The following PEAR1 variants were observed in gnomAD, a reference collection of about 807,000 sequenced individuals.
The protein encoded by PEAR1 is multiple EGF-like domains protein 12.
A neutral mutation model predicts 131.2 loss-of-function variants in PEAR1; 113 were observed. That is an observed-to-expected ratio of 0.86 (90% CI 0.74 to 1.01). PEAR1 has a LOEUF of 1.01. PEAR1 is among the 50% of genes least tolerant of loss of function. The probability of loss-of-function intolerance (pLI) is 0.00; values close to 1 mark genes in which losing one functional copy is unlikely to be tolerated. For missense variants in PEAR1, 1,408 were observed against 1,391.1 expected, an observed-to-expected ratio of 1.01 and a Z score of -0.19; for synonymous variants, 565 against 523.3, an observed-to-expected ratio of 1.08 and a Z score of -1.09.
chr1:156,911,041 C>T (rs1341464082), intron 15 of PEAR1, among the ~76,000 whole-genome samples: 2 of 68,816 alleles, frequency 2.9e-5, no homozygotes, highest in Non-Finnish European at 5.8e-5. Flanking sequence ...ATTTCTTTTT[C>T]TTTCTTTCTT....
In PEAR1 at chr1:156,912,268, G is replaced by C; in HGVS notation, c.1973G>C (p.Gly658Ala). Reference protein sequence around the residue: ...CSQPCPPGHWGENCAQTCQCH... With the variant: ...CSQPCPPGHWAENCAQTCQCH... Reference sequence around the variant, plus strand: ...GTAGCATGCCCTCCAGGACACTGGGGAGAAAACTGTGCCCAGACCTGCCAA... The same window carrying C: ...GTAGCATGCCCTCCAGGACACTGGGCAGAAAACTGTGCCCAGACCTGCCAA... The change falls in exon 16 of 23, where the codon GGA becomes GCA. Residue 658 changes from glycine (G) to alanine (A), a missense_variant. Physicochemically the swap from Gly to Ala is moderately conservative, Grantham distance 60 (BLOSUM62 0). Transcript: ENST00000292357. The C allele has an allele frequency of 6.2e-7, 1 of 1,613,764 alleles. No individual in the cohort carries two copies. The highest frequency in any genetic ancestry group is 1.1e-5 in the South Asian group (1 of 91,064).
intron 1 of PEAR1, among the ~76,000 whole-genome samples, chr1:156,900,604 C>T (rs745376302): frequency 7.2e-5 from 11 of 152,140 alleles, no homozygotes; most frequent in Non-Finnish European, 8.8e-5. Flanking sequence ...TGATGATCCA[C>T]GTAAATCTCT....
intron 17 of PEAR1, 47 bp from the exon 18 acceptor site, chr1:156,912,723 C>A (rs752354606): frequency 6.2e-7 from 1 of 1,612,526 alleles, no homozygotes; most frequent in Non-Finnish European, 8.5e-7. Context: ...CTCTCCCATG[C>A]AGCAGAGCCA....
rs770120837 is a variant in PEAR1, at chr1:156,912,427, C to CA, written c.2080+59dup. ...CCCTGCCTCCAACTTAACCCTTACC[C>CA]AAAAAAAGGAGACTAGAGTTTCCTG... On this transcript the variant is annotated intron_variant, in intron 16 of 22. Coordinates refer to ENST00000292357, the MANE Select transcript of PEAR1 (RefSeq NM_001080471.3). 8.7e-6 allele frequency: 14 copies of CA among 1,600,140 alleles called. No homozygotes were observed. The Admixed American group carries it at 1.9e-4, about 22-fold the overall frequency.
chr1:156,895,105 C>T (rs1194209273), intron 1 of PEAR1, among the ~76,000 whole-genome samples: 1 of 152,184 alleles, frequency 6.6e-6, no homozygotes, highest in Non-Finnish European at 1.5e-5. Flanking sequence ...GTGGGGCTGC[C>T]ATCTCTAGGA....
chr1:156,898,522 G>A (rs1477388787), intron 1 of PEAR1, among the ~76,000 whole-genome samples: 5 of 152,224 alleles, frequency 3.3e-5, no homozygotes, highest in Admixed American at 3.3e-4. Flanking sequence ...GGTGTACTGG[G>A]TAGCCTGTGG....
Position 156,908,607 on chromosome 1 carries a change from T to G in PEAR1, c.1116-48T>G, listed in dbSNP as rs1481101324. 1.4e-6 allele frequency: 2 copies of G among 1,461,226 alleles called. No homozygotes were observed. Among genetic ancestry groups the G allele is most frequent in the African/African-American group, 2.8e-5 (2 of 71,314 alleles). 90.5% of individuals were successfully genotyped at this position (1,461,226 alleles called of 1,614,324 possible). A position where few individuals can be genotyped will look rare whatever the true frequency, so the allele number is the denominator to read the frequency against. On this transcript the variant is annotated intron_variant, in intron 9 of 22. Coordinates refer to ENST00000292357, the MANE Select transcript of PEAR1 (RefSeq NM_001080471.3). This position sits in a 1 kb window ranked among gnomAD's most constrained non-coding sequence, Gnocchi z 4.2. ...ACGCGGAGGGGTCGGGAAGCTGCCC[T>G]GCCCCTGCCCAGCTCAGACCGCGCC...
chr1:156,906,301 T>G lies in PEAR1; in HGVS notation c.333T>G (p.His111Gln). 6.2e-7 allele frequency: 1 copy of G among 1,614,172 alleles called. No homozygotes were observed. The highest frequency in any genetic ancestry group is 8.5e-7 in the Non-Finnish European group (1 of 1,180,008). Reference protein sequence around the residue: ...CVPLCAQECVHGRCVAPNQCQ... With the variant: ...CVPLCAQECVQGRCVAPNQCQ... ...CGCTCTGTGCCCAGGAGTGTGTCCA[T>G]GGCCGTTGTGTGGCACCCAATCAGT... The change falls in exon 5 of 23, where the codon CAT becomes CAG. Residue 111 changes from histidine to glutamine, a missense_variant. Coordinates refer to ENST00000292357, the MANE Select transcript of PEAR1 (RefSeq NM_001080471.3).
At position 156,908,865 on chromosome 1, in the gene PEAR1, T is replaced by G. The variant is rs557736065; in HGVS notation, c.1290+36T>G. On this transcript the variant is annotated intron_variant, in intron 10 of 22. Transcript: ENST00000292357. The surrounding 1 kb of genome is among the most constrained non-coding windows in gnomAD (Gnocchi z 4.2). ...CCCGGCTGCAAGGAAGCGAGGCAGG[T>G]GGAGAGGCCAAGGAATGGGCCGCCC... 2.5e-6 allele frequency: 4 copies of G among 1,607,074 alleles called. No individual in the cohort carries two copies. Among genetic ancestry groups the G allele is most frequent in the South Asian group, 2.2e-5 (2 of 91,044 alleles).
Position 156,906,671 on chromosome 1 carries a change from C to G in PEAR1, c.435C>G (p.Asp145Glu), listed in dbSNP as rs1287387073. The G allele has an allele frequency of 6.2e-7, 1 of 1,614,184 alleles. No homozygotes were observed. The change falls in exon 6 of 23, where the codon GAC (aspartate) becomes GAG (glutamate). Residue 145 changes from aspartate (D) to glutamate (E), a missense_variant. By Grantham distance (45) the Asp-to-Glu change is conservative. Coordinates refer to ENST00000292357, the MANE Select transcript of PEAR1 (RefSeq NM_001080471.3). ...CAGGAATGTGGGGGCCACAGTGTGACAAGCCCTGCAGCTGCGGCAACAACA... is the reference window on the plus strand; with the variant it reads ...CAGGAATGTGGGGGCCACAGTGTGAGAAGCCCTGCAGCTGCGGCAACAACA... ...CAPGMWGPQC[D>E]KPCSCGNNSS...
Position 156,905,544 on chromosome 1 carries a change from T to A in PEAR1, c.307+120T>A, listed in dbSNP as rs895734377. Reference sequence around the variant, plus strand: ...GGGGTTACTCCTCTGCCCTTTTGGGTTCCCCCCTCCTCTCCTCTCCCTGGC... The same window carrying A: ...GGGGTTACTCCTCTGCCCTTTTGGGATCCCCCCTCCTCTCCTCTCCCTGGC... On this transcript the variant is annotated intron_variant, in intron 4 of 22. Coordinates refer to ENST00000292357, the MANE Select transcript of PEAR1 (RefSeq NM_001080471.3). 26 of 859,536 alleles carry A rather than the reference T, an allele frequency of 3.0e-5. No homozygotes were observed. The East Asian group carries it at 5.1e-4, about 17-fold the overall frequency. 53.2% of individuals were successfully genotyped at this position (859,536 alleles called of 1,614,324 possible).
At chr1:156,914,190 A>T in intron 22 of PEAR1, 90 bp downstream of exon 22, 4 of 1,456,018 alleles carry the variant, frequency 2.7e-6, no homozygotes, top group Non-Finnish European at 3.6e-6. Context: ...AAGAGAAGGC[A>T]TGATGTGGCA....
intron 1 of PEAR1, among the ~76,000 whole-genome samples, chr1:156,900,188 C>A (rs1312112262): frequency 6.6e-6 from 1 of 152,150 alleles, no homozygotes; most frequent in Non-Finnish European, 1.5e-5. Context: ...GGACTGGGAT[C>A]TCAGGGCCTG....
In PEAR1 at chr1:156,912,627, G is replaced by A; in HGVS notation, c.2209+5G>A. ...GTGGTGCACCTTGCAGGATTGGTGAGTTCTTTGCCCTCTCCTTCCCACCCA... is the reference window on the plus strand; with the variant it reads ...GTGGTGCACCTTGCAGGATTGGTGAATTCTTTGCCCTCTCCTTCCCACCCA... On this transcript the variant is annotated splice_donor_5th_base_variant and intron_variant, in intron 17 of 22. Transcript: ENST00000292357. 1 of 1,612,600 alleles carries A rather than the reference G, an allele frequency of 6.2e-7. No homozygotes were observed. The highest frequency in any genetic ancestry group is 2.2e-5 in the East Asian group (1 of 44,852).
Position 156,915,643 on chromosome 1 carries a change from G to T in PEAR1, c.*845G>T, listed in dbSNP as rs1051456017. 6.6e-6 allele frequency: 1 copy of T among 152,244 alleles called. No homozygotes were observed. The highest frequency in any genetic ancestry group is 1.5e-5 in the Non-Finnish European group (1 of 68,044). 9.4% of individuals were successfully genotyped at this position (152,244 alleles called of 1,614,324 possible). On this transcript the variant is annotated 3_prime_UTR_variant, in exon 23 of 23. Coordinates refer to ENST00000292357, the MANE Select transcript of PEAR1 (RefSeq NM_001080471.3). ...CTTTCACAGCCCTGATTGCAGCTGT[G>T]TTCACTCACCAGGTACCTGCAGAAG...
chr1:156,910,354 G>C lies in PEAR1; in HGVS notation c.1799G>C (p.Gly600Ala), dbSNP rs369635883. 8.7e-6 allele frequency: 14 copies of C among 1,605,012 alleles called. No homozygotes were observed. The highest frequency in any genetic ancestry group is 1.2e-5 in the Non-Finnish European group (14 of 1,175,468). Reference protein sequence around the residue: ...PENGNCVCAPGFRGPSCQRSC... With the variant: ...PENGNCVCAPAFRGPSCQRSC... The stretch of plus-strand genomic sequence containing the variant: ...AATGGCAACTGCGTGTGTGCACCCG[G>C]ATTCCGGGGCCCCTCCTGCCAGAGA... The change falls in exon 14 of 23, where the codon GGA becomes GCA. Residue 600 changes from glycine (G) to alanine (A), a missense_variant. Coordinates refer to ENST00000292357, the MANE Select transcript of PEAR1 (RefSeq NM_001080471.3).
Position 156,912,532 on chromosome 1 carries a change from C to G in PEAR1, c.2119C>G (p.Pro707Ala), listed in dbSNP as rs372564539. The part of the protein sequence containing the change: ...LGTFGANCSQ[P>A]CQCGPGEKCH... Reference sequence around the variant, plus strand: ...GACATTTGGTGCTAACTGCTCCCAGCCATGCCAGTGTGGTCCTGGAGAAAA... The same window carrying G: ...GACATTTGGTGCTAACTGCTCCCAGGCATGCCAGTGTGGTCCTGGAGAAAA... The change falls in exon 17 of 23, where the codon CCA becomes GCA. Residue 707 changes from proline to alanine, a missense_variant. Pro to Ala is a conservative substitution (Grantham distance 27). Coordinates refer to ENST00000292357, the MANE Select transcript of PEAR1 (RefSeq NM_001080471.3). 301 of 1,614,038 alleles carry G rather than the reference C, an allele frequency of 1.9e-4. 4 individuals carry two copies. In the South Asian group the frequency reaches 3.1e-3, roughly 16 times the overall value.
chr1:156,914,792 C>T lies in PEAR1; in HGVS notation c.3108C>T (p.Asp1036=), dbSNP rs56260937. Residue 1036 remains aspartate (D), a synonymous_variant, in exon 23 of 23, where the codon GAC becomes GAT. Coordinates refer to ENST00000292357, the MANE Select transcript of PEAR1 (RefSeq NM_001080471.3). ...HPPSPPLRRQ[D]R is the part of the protein sequence containing the mutation. ...CATCACCTCCACTTCGACGCCAGGACCGTTGAGGAGCCAGGATGGTATGGC... is the reference window on the plus strand; with the variant it reads ...CATCACCTCCACTTCGACGCCAGGATCGTTGAGGAGCCAGGATGGTATGGC... The T allele has an allele frequency of 0.16, 262,152 of 1,613,380 alleles. 22,327 individuals carry two copies. The highest frequency in any genetic ancestry group is 0.34 in the East Asian group (15,138 of 44,856).
rs371350726 is a variant in PEAR1 at position 156,907,744 on chromosome 1, G to A, written c.765+14G>A. 6.2e-6 allele frequency: 10 copies of A among 1,600,940 alleles called. No homozygotes were observed. The African/African-American group carries it at 1.3e-4, about 21-fold the overall frequency. ...CCTGGCTGGATGGTATGGAGGGTGG[G>A]GCCTGTGGGCATGGGGTGTGGGTCT... On this transcript the variant is annotated intron_variant, in intron 7 of 22. Transcript: ENST00000292357.
Sources: allele counts gnomAD v4.1 joint callset (sites outside exome capture counted in the v4.1 genomes callset), GRCh38; gene constraint gnomAD v4.1.1; non-coding constraint Gnocchi (gnomAD v3.1); transcripts MANE v1.5; gene names NCBI Gene and HGNC (gene_info 2026-07-23, HGNC 2026-07-21).